Variants in RFX6 observed in about 807,000 individuals in gnomAD.
The protein encoded by RFX6 is regulatory factor X6.
RFX6 carries 50 observed loss-of-function variants against 110.8 expected under a neutral mutation model. The ratio of observed to expected loss-of-function variants is 0.45; its 90% CI spans 0.36 to 0.57. RFX6 has a LOEUF of 0.57. RFX6 is among the 20% of genes least tolerant of loss of function. The pLI, the probability that RFX6 is intolerant of heterozygous loss-of-function variation, is 0.00. For missense variants in RFX6, 990 were observed against 1,127.0 expected, an observed-to-expected ratio of 0.88 and a Z score of 1.74; for synonymous variants, 383 against 411.2, an observed-to-expected ratio of 0.93 and a Z score of 0.83.
rs372382597 is a variant in RFX6, at chr6:116,927,200, C to T, written c.2059C>T (p.Pro687Ser). The T allele has an allele frequency of 1.2e-5, 20 of 1,614,030 alleles. No homozygotes were observed. Among genetic ancestry groups the T allele is most frequent in the Non-Finnish European group, 1.7e-5 (20 of 1,180,016 alleles). Residue 687 changes from proline to serine, a missense_variant, in exon 17 of 19, where the codon CCC becomes TCC. Physicochemically the swap from Pro to Ser is moderately conservative, Grantham distance 74. This residue lies in a region of RFX6 where 438 missense variants were observed against 441.9 expected (regional missense o/e 0.99). Coordinates refer to ENST00000332958, the MANE Select transcript of RFX6 (RefSeq NM_173560.4). Reference sequence around the variant, plus strand: ...CTCCACATACCCAGAGCCCATTTATCCCACTCTCCCTCAAGCCAATCATGA... The same window carrying T: ...CTCCACATACCCAGAGCCCATTTATTCCACTCTCCCTCAAGCCAATCATGA... ...HCSTYPEPIY[P>S]TLPQANHDFY... is the part of the protein sequence containing the mutation.
At position 116,918,042 on chromosome 6, in the gene RFX6, T is replaced by C. The variant is rs753085200; in HGVS notation, c.978T>C (p.Leu326=). 1.4e-5 allele frequency: 22 copies of C among 1,605,468 alleles called. No homozygotes were observed. The South Asian group carries it at 2.4e-4, about 18-fold the overall frequency. ...CVCDSILYKV[L]TDVLIPATMQ... ...CCTCTTTTGCTATGATTAAGGTTCT[T>C]ACAGATGTACTCATTCCTGCAACAA... Residue 326 remains leucine (L), a synonymous_variant, in exon 10 of 19, where the codon CTT becomes CTC. Transcript: ENST00000332958.
At chr6:116,922,580 GT>G (rs773178968) in intron 13 of RFX6, among the ~76,000 whole-genome samples, 52 of 152,232 alleles carry the variant, frequency 3.4e-4, no homozygotes, top group Non-Finnish European at 6.0e-4. Context: ...TTTCTCTGTG[GT>G]TTCTTCACCT....
chr6:116,901,985 T>C (rs939045369), intron 6 of RFX6, among the ~76,000 whole-genome samples: 2 of 152,098 alleles, frequency 1.3e-5, no homozygotes, highest in African/African-American at 4.8e-5. Context: ...ATTTATACAA[T>C]GGAGTGCTAT....
intron 6 of RFX6, among the ~76,000 whole-genome samples, chr6:116,898,698 G>A (rs564142953): frequency 3.3e-5 from 5 of 152,196 alleles, no homozygotes; most frequent in Admixed American, 1.3e-4. Flanking sequence ...GGGTAAGTTC[G>A]GATGCAAGCA....
rs997827291 is a variant in RFX6, at chr6:116,925,893, A to G, written c.1885+234A>G. Among the ~76,000 whole-genome samples, 3 of 141,426 alleles carry G rather than the reference A, an allele frequency of 2.1e-5. No homozygotes were observed. The South Asian group carries it at 7.8e-4, about 37-fold the overall frequency. 92.8% of individuals were successfully genotyped at this position (141,426 alleles called of 152,430 possible). A position where few individuals can be genotyped will look rare whatever the true frequency, so the allele number is the denominator to read the frequency against. On this transcript the variant is annotated intron_variant, in intron 16 of 18. Coordinates refer to ENST00000332958, the MANE Select transcript of RFX6 (RefSeq NM_173560.4). ...CTCCATAAATTATATTAGAAGTATG[A>G]ATAATTAGTTAATTTAGTGGAAGAA...
intron 6 of RFX6, among the ~76,000 whole-genome samples, chr6:116,902,361 AAAC>A (rs1159094084): frequency 9.9e-5 from 15 of 151,994 alleles, no homozygotes; most frequent in Non-Finnish European, 5.9e-5. Context: ...ATATAAAAGC[AAAC>A]AACAACAACA....
At chr6:116,905,139 C>T (rs1186740737) in intron 6 of RFX6, among the ~76,000 whole-genome samples, 1 of 152,188 alleles carries the variant, frequency 6.6e-6, no homozygotes, top group Non-Finnish European at 1.5e-5. Flanking sequence ...TTCTCACCAA[C>T]AATGCACAAG....
intron 16 of RFX6, among the ~76,000 whole-genome samples, 190 bp from the exon 17 acceptor site, chr6:116,926,837 T>C (rs1250799330): frequency 1.3e-5 from 2 of 152,232 alleles, no homozygotes; most frequent in East Asian, 1.9e-4. Context: ...TGTTGTGATA[T>C]ATACATGTGT....
At chr6:116,928,093 A>AC (rs1172357712) in intron 17 of RFX6, among the ~76,000 whole-genome samples, 2 of 151,716 alleles carry the variant, frequency 1.3e-5, no homozygotes, top group Non-Finnish European at 2.9e-5. Context: ...AAAAAAAAAA[A>AC]AGATAGTTAA....
At chr6:116,902,394 T>TA (rs973738216) in intron 6 of RFX6, among the ~76,000 whole-genome samples, 3 of 151,744 alleles carry the variant, frequency 2.0e-5, no homozygotes, top group South Asian at 2.1e-4. Context: ...AAAAACAAAA[T>TA]AAAAAACAGG....
At chr6:116,908,307 C>T (rs1447789900) in intron 6 of RFX6, among the ~76,000 whole-genome samples, 1 of 151,990 alleles carries the variant, frequency 6.6e-6, no homozygotes, top group African/African-American at 2.4e-5. Flanking sequence ...CAGTTTCATC[C>T]ATGTTGTTGC....
In RFX6 at chr6:116,927,409, C is replaced by T; in HGVS notation, c.2268C>T (p.Ser756=). ...GSPYNSRPPS[S]YGPSLQAQDS... ...CATATAACTCCCGGCCACCGTCTAG[C>T]TATGGCCCATCCCTGCAAGCCCAGG... The change falls in exon 17 of 19, where the codon AGC becomes AGT. Residue 756 remains serine, a synonymous_variant. Transcript: ENST00000332958. 4 of 1,614,170 alleles carry T rather than the reference C, an allele frequency of 2.5e-6. No individual in the cohort carries two copies. The highest frequency in any genetic ancestry group is 1.7e-6 in the Non-Finnish European group (2 of 1,180,026).
rs1486968344 is a variant in RFX6, at chr6:116,925,650, C to T, written c.1876C>T (p.Pro626Ser). Residue 626 changes from proline to serine, a missense_variant, in exon 16 of 19, where the codon CCG (proline) becomes TCG (serine). Around this residue, in one of 5 missense-constraint regions of RFX6, gnomAD observed 438 missense variants for 441.9 expected, o/e 0.99. Transcript: ENST00000332958. ...CCCTGCTGGGAACACAGACAACATG[C>T]CGCTCACAGGTACGCTAAAGAGAAC... ...QFPAGNTDNM[P>S]LTGQMELSQI... 1 of 1,612,006 alleles carries T rather than the reference C, an allele frequency of 6.2e-7. No individual in the cohort carries two copies. Among genetic ancestry groups the T allele is most frequent in the Non-Finnish European group, 8.5e-7 (1 of 1,178,200 alleles).
chr6:116,898,140 G>C (rs1217944988), intron 6 of RFX6, among the ~76,000 whole-genome samples: 1 of 152,162 alleles, frequency 6.6e-6, no homozygotes, highest in Non-Finnish European at 1.5e-5. Context: ...AGATGGTGCT[G>C]AAAAGTCATC....
intron 2 of RFX6, among the ~76,000 whole-genome samples, chr6:116,879,982 CA>C (rs1270144607): frequency 1.3e-5 from 2 of 151,894 alleles, no homozygotes; most frequent in Non-Finnish European, 2.9e-5. Context: ...GTACTGATGA[CA>C]GTAGTAAAAA....
At chr6:116,903,957 CT>C (rs371661910) in intron 6 of RFX6, among the ~76,000 whole-genome samples, 4 of 151,914 alleles carry the variant, frequency 2.6e-5, no homozygotes, top group African/African-American at 9.7e-5. Flanking sequence ...TCATCTTTAA[CT>C]TTACTAGTAA....
chr6:116,919,058 A>G, intron 10 of RFX6, 79 bp from the exon 11 acceptor site: 1 of 1,282,738 alleles, frequency 7.8e-7, no homozygotes, highest in Non-Finnish European at 1.1e-6. Flanking sequence ...CCATAGAATA[A>G]TAGTATACCT....
Position 116,924,695 on chromosome 6 carries a change from C to T in RFX6, c.1582C>T (p.Leu528Phe). The change falls in exon 15 of 19, where the codon CTC (leucine) becomes TTC (phenylalanine). Residue 528 changes from leucine (L) to phenylalanine (F), a missense_variant. By Grantham distance (22) the Leu-to-Phe change is conservative. This residue lies in a region of RFX6 where 89 missense variants were observed against 140.3 expected (regional missense o/e 0.63). Transcript: ENST00000332958. ...TTCTTTTCATTTGATTCGAATGCTT[C>T]TCGATGAATACATTCTCCTGGCCAT... Reference protein sequence around the residue: ...FGSFHLIRMLLDEYILLAMET... With the variant: ...FGSFHLIRMLFDEYILLAMET... 6.2e-7 allele frequency: 1 copy of T among 1,608,892 alleles called. No homozygotes were observed. The highest frequency in any genetic ancestry group is 8.5e-7 in the Non-Finnish European group (1 of 1,175,350).
intron 4 of RFX6, among the ~76,000 whole-genome samples, chr6:116,889,423 T>C (rs1221264222): frequency 6.6e-6 from 1 of 152,110 alleles, no homozygotes; most frequent in Admixed American, 6.6e-5. Flanking sequence ...AGGTAAGCCA[T>C]GTATACAAAT....
Sources: gnomAD v4.1 joint callset for allele counts (sites outside exome capture counted in the v4.1 genomes callset) on GRCh38, gnomAD v4.1.1 for gene constraint, gnomAD v4.1.1 regional missense constraint, MANE v1.5 for transcripts, NCBI Gene and HGNC (gene_info 2026-07-23, HGNC 2026-07-21) for gene names.